PHACTR2: variants seen among roughly 807,000 people sequenced by gnomAD.
The protein encoded by PHACTR2 is chromosome 6 open reading frame 56.
PHACTR2 carries 30 observed loss-of-function variants against 76.0 expected under a neutral mutation model. That is an observed-to-expected ratio of 0.39 (90% CI 0.30 to 0.54). PHACTR2 has a LOEUF of 0.54. Among genes scored for constraint, PHACTR2 ranks in the 20% least tolerant of loss-of-function variants. The probability of loss-of-function intolerance (pLI) is 0.61; values close to 1 mark genes in which losing one functional copy is unlikely to be tolerated. For missense variants in PHACTR2, 696 were observed against 781.1 expected, an observed-to-expected ratio of 0.89 and a Z score of 1.30; for synonymous variants, 292 against 292.5, an observed-to-expected ratio of 1.00 and a Z score of 0.02.
chr6:143,610,662 C>T lies in PHACTR2; in HGVS notation c.13+2340C>T, dbSNP rs13195900. 0.22 allele frequency among the ~76,000 whole-genome samples: 32,834 copies of T among 152,066 alleles called. 3,623 individuals carry two copies. Among genetic ancestry groups the T allele is most frequent in the South Asian group, 0.28 (1,327 of 4,814 alleles). Reference sequence around the variant, plus strand: ...AAGTAAGATGAGCTGCTTGGGACTCCGGCCCTTTTGGTGGGTGTGTGTACA... The same window carrying T: ...AAGTAAGATGAGCTGCTTGGGACTCTGGCCCTTTTGGTGGGTGTGTGTACA... On this transcript the variant is annotated intron_variant, in intron 1 of 11. Transcript: ENST00000305766. This position sits in a 1 kb window ranked among gnomAD's most constrained non-coding sequence, Gnocchi z 4.9.
rs550997963 is a variant in PHACTR2, at chr6:143,830,184, A to C, written c.*6495A>C. The C allele has an allele frequency of 1.3e-5, 2 of 152,270 alleles. No homozygotes were observed. Among genetic ancestry groups the C allele is most frequent in the East Asian group, 3.8e-4 (2 of 5,196 alleles). The allele number at this position is 152,270 out of a possible 1,614,324, so 9.4% of individuals were successfully genotyped here. On this transcript the variant is annotated 3_prime_UTR_variant, in exon 13 of 13. Transcript: ENST00000440869. ...ATTTCTTTTTCTTTTTTTTAAAAAA[A>C]ACATTTCTTCTGTGGCTTAGAAATG...
chr6:143,581,993 AC>A lies in PHACTR2; in HGVS notation c.217+44789del, dbSNP rs1775580441. Among the ~76,000 whole-genome samples, 1 of 152,178 alleles carries A rather than the reference AC, an allele frequency of 6.6e-6. No individual in the cohort carries two copies. The highest frequency in any genetic ancestry group is 2.4e-5 in the African/African-American group (1 of 41,432). On this transcript the variant is annotated intron_variant, in intron 1 of 11. Transcript: ENST00000367584. The surrounding 1 kb of genome is among the most constrained non-coding windows in gnomAD (Gnocchi z 4.5). ...CTTAATGCCTAAGTGAGTCACATAA[AC>A]CCTGGACAAAAGGCTGTACCGTCAA...
chr6:143,774,472 A>G lies in PHACTR2; in HGVS notation c.1589+257A>G, dbSNP rs146744543. 2.0e-3 allele frequency among the ~76,000 whole-genome samples: 310 copies of G among 152,320 alleles called. 3 individuals carry two copies. In the South Asian group the frequency reaches 0.038, roughly 18 times the overall value. ...TTAAAGACCAGTTGGCAAACATTTC[A>G]GGCTTTGCTGGCCAGACAGTCTCTG... On this transcript the variant is annotated intron_variant, in intron 8 of 12. Transcript: ENST00000440869. The surrounding 1 kb of genome is among the most constrained non-coding windows in gnomAD (Gnocchi z 5.4).
rs1775789491 is a variant in PHACTR2, at chr6:143,599,346, AT to A, written c.217+62140del. ...TTGATTCATGAGAGAAAAAAGTAAC[AT>A]GCTTTTTAGGCATTTTTAGGAATTT... is the stretch of plus-strand genomic sequence containing the variant. On this transcript the variant is annotated intron_variant, in intron 1 of 11. Coordinates refer to the PHACTR2 transcript ENST00000367584. The surrounding 1 kb of genome is among the most constrained non-coding windows in gnomAD (Gnocchi z 4.6). Among the ~76,000 whole-genome samples, 1 of 152,180 alleles carries A rather than the reference AT, an allele frequency of 6.6e-6. No homozygotes were observed. The highest frequency in any genetic ancestry group is 1.5e-5 in the Non-Finnish European group (1 of 68,006).
At chr6:143,584,774 C>A (rs1775608729) in intron 1 of PHACTR2, among the ~76,000 whole-genome samples, 1 of 152,058 alleles carries the variant, frequency 6.6e-6, no homozygotes, top group African/African-American at 2.4e-5. Flanking sequence ...TGAGGAGGGA[C>A]AAGTATAGGG....
intron 1 of PHACTR2, among the ~76,000 whole-genome samples, chr6:143,670,207 G>A (rs1476205495): frequency 2.0e-5 from 3 of 152,202 alleles, no homozygotes; most frequent in African/African-American, 7.2e-5. Flanking sequence ...TATGCAGAGA[G>A]ATCCGCTGTT....
chr6:143,782,809 C>T lies in PHACTR2; in HGVS notation c.1646-410C>T, dbSNP rs1775460978. Among the ~76,000 whole-genome samples, 1 of 152,110 alleles carries T rather than the reference C, an allele frequency of 6.6e-6. No individual in the cohort carries two copies. Among genetic ancestry groups the T allele is most frequent in the African/African-American group, 2.4e-5 (1 of 41,416 alleles). On this transcript the variant is annotated intron_variant, in intron 9 of 12. Transcript: ENST00000440869. This position sits in a 1 kb window ranked among gnomAD's most constrained non-coding sequence, Gnocchi z 4.6. The stretch of plus-strand genomic sequence containing the variant: ...GCTCTTTTAATATGTCTCAGATTTT[C>T]ACACGAAGGCCAGATCCAGAAGTAA...
At chr6:143,682,321 G>A (rs911573079) in intron 1 of PHACTR2, among the ~76,000 whole-genome samples, 27 of 152,140 alleles carry the variant, frequency 1.8e-4, no homozygotes, top group African/African-American at 5.6e-4. Context: ...GGGCTCAAGC[G>A]ATCCTCCAAC....
At position 143,621,084 on chromosome 6, in the gene PHACTR2, AG is replaced by A. The variant is rs1312776976; in HGVS notation, c.13+12763del. 1.3e-5 allele frequency among the ~76,000 whole-genome samples: 2 copies of A among 152,236 alleles called. No homozygotes were observed. Among genetic ancestry groups the A allele is most frequent in the African/African-American group, 4.8e-5 (2 of 41,458 alleles). On this transcript the variant is annotated intron_variant, in intron 1 of 11. Coordinates refer to the PHACTR2 transcript ENST00000305766. This position sits in a 1 kb window ranked among gnomAD's most constrained non-coding sequence, Gnocchi z 4.1. ...GGGGACAGTGCAAACCTCCAGGAAA[AG>A]AACAAGAGCAGGATCATTAAAGAAG...
chr6:143,771,154 A>ATG (rs1775098921), intron 6 of PHACTR2, among the ~76,000 whole-genome samples: 3 of 51,250 alleles, frequency 5.9e-5, no homozygotes, highest in African/African-American at 3.5e-4. Flanking sequence ...GTATATATAT[A>ATG]TATGTATATA....
At chr6:143,763,653 C>A (rs1347958105) in intron 5 of PHACTR2, among the ~76,000 whole-genome samples, 1 of 152,156 alleles carries the variant, frequency 6.6e-6, no homozygotes, top group Non-Finnish European at 1.5e-5. Context: ...CATAGGGATT[C>A]CTTTTAAGCC....
intron 1 of PHACTR2, among the ~76,000 whole-genome samples, chr6:143,636,596 G>T (rs116002004): frequency 0.019 from 2,930 of 152,254 alleles, 100 homozygotes; most frequent in African/African-American, 0.066. Context: ...ATTTAAAATA[G>T]AAGATAAATT....
rs1421546933 is a variant in PHACTR2 at position 143,755,654 on chromosome 6, A to G, written c.454+1742A>G. Among the ~76,000 whole-genome samples, 1 of 152,118 alleles carries G rather than the reference A, an allele frequency of 6.6e-6. No individual in the cohort carries two copies. The highest frequency in any genetic ancestry group is 1.5e-5 in the Non-Finnish European group (1 of 68,018). On this transcript the variant is annotated intron_variant, in intron 4 of 12. Transcript: ENST00000440869. This position sits in a 1 kb window ranked among gnomAD's most constrained non-coding sequence, Gnocchi z 5.2. ...AGCCTGTTGCTTGGCTAGTAGGTAC[A>G]TGAGGAAGGAGCTGGGAGTGCTGGA...
Position 143,760,651 on chromosome 6 carries a change from C to T in PHACTR2, c.694+11C>T. ...CGACCCGAGAGGCTGGTGAGTATGC[C>T]CCCAGTGCCCTGTGGGGTCACTTCT... On this transcript the variant is annotated intron_variant, in intron 5 of 12. Transcript: ENST00000440869. The surrounding 1 kb of genome is among the most constrained non-coding windows in gnomAD (Gnocchi z 6.4). 6.2e-7 allele frequency: 1 copy of T among 1,613,448 alleles called. No homozygotes were observed. The highest frequency in any genetic ancestry group is 8.5e-7 in the Non-Finnish European group (1 of 1,179,680).
chr6:143,719,864 G>C (rs1309518079), intron 2 of PHACTR2, among the ~76,000 whole-genome samples: 1 of 139,976 alleles, frequency 7.1e-6, no homozygotes, highest in East Asian at 2.1e-4. Flanking sequence ...CCAGGCTGGA[G>C]TGCAATGGCG....
chr6:143,574,547 C>G (rs1388509340), intron 1 of PHACTR2, among the ~76,000 whole-genome samples: 2 of 151,766 alleles, frequency 1.3e-5, no homozygotes, highest in Non-Finnish European at 2.9e-5. Flanking sequence ...TTTTTCTACT[C>G]AGGAGTGGCA....
At chr6:143,640,871 G>A (rs1019846572) in intron 1 of PHACTR2, among the ~76,000 whole-genome samples, 12 of 152,164 alleles carry the variant, frequency 7.9e-5, no homozygotes, top group Admixed American at 3.9e-4. Flanking sequence ...ACTCCTGGAT[G>A]ACCCAGGTGG....
Position 143,764,277 on chromosome 6 carries a change from TG to T in PHACTR2, c.695-981del, listed in dbSNP as rs375892772. The stretch of plus-strand genomic sequence containing the variant: ...TTGGAGCCACCAAAGCCTCTCACTT[TG>T]GGAGGCTGAGATGGGTGAATCCCTT... On this transcript the variant is annotated intron_variant, in intron 5 of 12. Transcript: ENST00000440869. The surrounding 1 kb of genome is among the most constrained non-coding windows in gnomAD (Gnocchi z 4.7). Among the ~76,000 whole-genome samples the T allele has an allele frequency of 7.9e-4, 120 of 152,238 alleles. No individual in the cohort carries two copies. The highest frequency in any genetic ancestry group is 2.7e-3 in the African/African-American group (114 of 41,546).
In PHACTR2 at chr6:143,636,665, C is replaced by T. The variant is rs572230586; in HGVS notation, c.13+28343C>T. Among the ~76,000 whole-genome samples, 3 of 152,276 alleles carry T rather than the reference C, an allele frequency of 2.0e-5. No homozygotes were observed. The South Asian group carries it at 6.2e-4, about 32-fold the overall frequency. On this transcript the variant is annotated intron_variant, in intron 1 of 11. Transcript: ENST00000305766. ...TATTTTCATGCCTTTAAACATTGCC[C>T]ATGCATTAGCTCATCTTGGGTAGCA...
Sources: gnomAD v4.1 joint callset for allele counts (sites outside exome capture counted in the v4.1 genomes callset) on GRCh38, gnomAD v4.1.1 for gene constraint, Gnocchi (gnomAD v3.1) non-coding constraint, MANE v1.5 for transcripts, NCBI Gene and HGNC (gene_info 2026-07-23, HGNC 2026-07-21) for gene names.